Variants in DNAH7 observed in about 807,000 individuals in gnomAD.
DNAH7 encodes the protein axonemal beta dynein heavy chain 7.
DNAH7 carries 397 observed loss-of-function variants against 444.6 expected under a neutral mutation model. The observed-to-expected ratio is 0.89, with a 90% CI of 0.82 to 0.97. The LOEUF (loss-of-function observed/expected upper bound fraction) is 0.97, where lower values mean the gene tolerates loss of function less well. Among genes scored for constraint, DNAH7 ranks in the 50% least tolerant of loss-of-function variants. DNAH7 has a pLI of 0.00. For missense variants in DNAH7, 4,902 were observed against 4,800.8 expected, an observed-to-expected ratio of 1.02 and a Z score of -0.62; for synonymous variants, 1,636 against 1,624.4, an observed-to-expected ratio of 1.01 and a Z score of -0.17.
At chr2:195,876,357 G>A (rs1701054283) in intron 37 of DNAH7, among the ~76,000 whole-genome samples, 187 bp downstream of exon 37, 1 of 152,196 alleles carries the variant, frequency 6.6e-6, no homozygotes, top group Admixed American at 6.5e-5. Flanking sequence ...GCAACTCCTT[G>A]TTTTAAACAT....
chr2:195,984,773 CCTGTATA>C, intron 14 of DNAH7, 63 bp from the exon 15 acceptor site: 1 of 1,377,090 alleles, frequency 7.3e-7, no homozygotes, highest in South Asian at 1.2e-5. Flanking sequence ...AAAATATATT[CCTGTATA>C]CTGTTTAAAT....
chr2:196,000,978 CA>C (rs1328855343), intron 11 of DNAH7, 95 bp from the exon 12 acceptor site: 1 of 990,372 alleles, frequency 1.0e-6, no homozygotes, highest in Non-Finnish European at 1.4e-6. Context: ...TGGGAACCCA[CA>C]CTTTCTCTTA....
intron 56 of DNAH7, among the ~76,000 whole-genome samples, chr2:195,795,592 G>A (rs1696095413): frequency 6.6e-6 from 1 of 152,244 alleles, no homozygotes; most frequent in African/African-American, 2.4e-5. Context: ...AGTGGCCTGA[G>A]AAGAAACTTG....
At chr2:195,916,571 C>T (rs1574759363) in intron 24 of DNAH7, among the ~76,000 whole-genome samples, 1 of 152,006 alleles carries the variant, frequency 6.6e-6, no homozygotes, top group South Asian at 2.1e-4. Flanking sequence ...TAAACAGAAA[C>T]ACCTGGCTGG....
At chr2:195,779,861 T>C (rs565534669) in intron 58 of DNAH7, among the ~76,000 whole-genome samples, 1 of 152,302 alleles carries the variant, frequency 6.6e-6, no homozygotes, top group South Asian at 2.1e-4. Context: ...TGCCTCAGCC[T>C]CCCAAAGTGC....
At position 195,824,407 on chromosome 2, in the gene DNAH7, A is replaced by G. The variant is rs375324824; in HGVS notation, c.9139T>C (p.Leu3047=). The change falls in exon 49 of 65, where the codon TTG becomes CTG. Residue 3047 remains leucine, a synonymous_variant. Transcript: ENST00000312428. ...GTTTGTTTTAGTAGAAGAGGTTCCA[A>G]AATAGGATCTAGTTCTTCGCCAACA... is the stretch of plus-strand genomic sequence containing the variant. ...ENVGEELDPI[L]EPLLLKQTFK... 2.8e-5 allele frequency: 45 copies of G among 1,611,558 alleles called. No homozygotes were observed. The highest frequency in any genetic ancestry group is 3.5e-5 in the Non-Finnish European group (41 of 1,178,718).
rs1393120235 is a variant in DNAH7 at position 195,834,351 on chromosome 2, T to A, written c.8955A>T (p.Arg2985Ser). The A allele has an allele frequency of 2.5e-6, 4 of 1,591,966 alleles. No homozygotes were observed. In the East Asian group the frequency reaches 9.0e-5, roughly 36 times the overall value. ...IDNGIIIMNA[R>S]RWPLMIDPQS... is the part of the protein sequence containing the mutation. ...GAGGATCTATCATCAGAGGCCACCT[T>A]CTTGCATTCCTGAAAAGGAGGAGAA... is the stretch of plus-strand genomic sequence containing the variant. Residue 2985 changes from arginine (R) to serine (S), a missense_variant, in exon 48 of 65, where the codon AGA becomes AGT. Coordinates refer to ENST00000312428, the MANE Select transcript of DNAH7 (RefSeq NM_018897.3).
intron 56 of DNAH7, 114 bp downstream of exon 56, chr2:195,796,462 A>G (rs1696145631): frequency 3.2e-6 from 4 of 1,241,902 alleles, no homozygotes; most frequent in Non-Finnish European, 4.4e-6. Flanking sequence ...ATCCAGCCAA[A>G]GCACTAACCT....
At chr2:196,015,206 G>C (rs552448299) in intron 9 of DNAH7, among the ~76,000 whole-genome samples, 8 of 152,032 alleles carry the variant, frequency 5.3e-5, no homozygotes, top group Non-Finnish European at 1.0e-4. Context: ...ATCAAATTTT[G>C]TAATTTGTGG....
intron 5 of DNAH7, among the ~76,000 whole-genome samples, chr2:196,034,745 G>A (rs1238216071): frequency 1.3e-5 from 2 of 152,188 alleles, no homozygotes; most frequent in Non-Finnish European, 2.9e-5. Context: ...CCACAAGTAT[G>A]CCAAGGTAAT....
chr2:195,967,272 T>C (rs1691544472), intron 17 of DNAH7, among the ~76,000 whole-genome samples: 1 of 150,338 alleles, frequency 6.7e-6, no homozygotes, highest in South Asian at 2.1e-4. Flanking sequence ...TCCTGCTTTT[T>C]AACTTTTTTT....
chr2:195,846,947 A>ATGTGTGTGTG (rs1315064692), intron 46 of DNAH7, among the ~76,000 whole-genome samples: 18 of 108,888 alleles, frequency 1.7e-4, no homozygotes, highest in African/African-American at 7.8e-4. Flanking sequence ...AAACTCCCAT[A>ATGTGTGTGTG]TATGTGTGTG....
In DNAH7 at chr2:196,012,834, G is replaced by A; in HGVS notation, c.942C>T (p.Asn314=). ...CAGAGTCCATGTGTCTCATGATAAT[G>A]TTCTGAAAACTTGACAGCTCTAATG... is the stretch of plus-strand genomic sequence containing the variant. The part of the protein sequence containing the change: ...QDALELSSFQ[N]IIMRHMDSAK... Residue 314 remains asparagine (N), a synonymous_variant, in exon 10 of 65, where the codon AAC becomes AAT. Coordinates refer to ENST00000312428, the MANE Select transcript of DNAH7 (RefSeq NM_018897.3). The A allele has an allele frequency of 1.9e-6, 3 of 1,580,358 alleles. No homozygotes were observed. The highest frequency in any genetic ancestry group is 2.6e-6 in the Non-Finnish European group (3 of 1,165,258).
At chr2:195,845,698 A>G (rs966131717) in intron 46 of DNAH7, among the ~76,000 whole-genome samples, 1 of 152,242 alleles carries the variant, frequency 6.6e-6, no homozygotes, top group East Asian at 1.9e-4. Flanking sequence ...GCACAGAAAT[A>G]AAGCTGTACA....
intron 11 of DNAH7, 137 bp downstream of exon 11, chr2:196,001,538 T>C: frequency 1.0e-5 from 8 of 800,200 alleles, no homozygotes; most frequent in Non-Finnish European, 1.4e-5. Context: ...CTGACAATTT[T>C]TTCTTTTAAG....
intron 10 of DNAH7, among the ~76,000 whole-genome samples, chr2:196,008,904 T>C (rs1694549355): frequency 6.6e-6 from 1 of 152,168 alleles, no homozygotes. Flanking sequence ...AATTGGCTCA[T>C]GATTCTATAC....
rs142394393 is a variant in DNAH7, at chr2:195,881,895, T to C, written c.5861A>G (p.Asp1954Gly). 9 of 1,613,866 alleles carry C rather than the reference T, an allele frequency of 5.6e-6. No individual in the cohort carries two copies. In the African/African-American group the frequency reaches 1.2e-4, roughly 21 times the overall value. Reference protein sequence around the residue: ...MFNEIIVPTLDTIRYSALMEL... With the variant: ...MFNEIIVPTLGTIRYSALMEL... ...CATTAATGCAGAGTATCGAATTGTG[T>C]CCAGAGTTGGCACAATGATTTCATT... The change falls in exon 36 of 65, where the codon GAC becomes GGC. Residue 1954 changes from aspartate (D) to glycine (G), a missense_variant. Coordinates refer to ENST00000312428, the MANE Select transcript of DNAH7 (RefSeq NM_018897.3).
At chr2:196,001,443 C>A (rs1325149884) in intron 11 of DNAH7, among the ~76,000 whole-genome samples, 2 of 151,834 alleles carry the variant, frequency 1.3e-5, no homozygotes, top group Admixed American at 6.6e-5. Context: ...TGGCTCGCTG[C>A]AGCCTCAAAC....
chr2:195,897,766 C>CG lies in DNAH7; in HGVS notation c.4549-2_4549-1insC. The CG allele has an allele frequency of 2.2e-6, 3 of 1,341,196 alleles. No homozygotes were observed. The highest frequency in any genetic ancestry group is 2.5e-5 in the Admixed American group (1 of 39,996). 83.1% of individuals were successfully genotyped at this position (1,341,196 alleles called of 1,614,324 possible). A position where few individuals can be genotyped will look rare whatever the true frequency, so the allele number is the denominator to read the frequency against. Reference sequence around the variant, plus strand: ...CTTCATTTTCATTTGGATATTTCAGCTAAAAAAAAAAAAAAAAACTCATGA... The same window carrying CG: ...CTTCATTTTCATTTGGATATTTCAGCGTAAAAAAAAAAAAAAAAACTCATGA... On this transcript the variant is annotated splice_acceptor_variant, in intron 28 of 64. Transcript: ENST00000312428. LOFTEE classifies it high-confidence loss of function.
Sources: gnomAD v4.1 joint callset for allele counts (sites outside exome capture counted in the v4.1 genomes callset) on GRCh38, gnomAD v4.1.1 for gene constraint, MANE v1.5 for transcripts, NCBI Gene and HGNC (gene_info 2026-07-23, HGNC 2026-07-21) for gene names.